Variants in UNC5D observed in about 807,000 individuals in gnomAD.
The protein encoded by UNC5D is unc-5 netrin receptor D, also known as netrin receptor UNC5D.
In UNC5D, 39 loss-of-function variants were observed where a neutral mutation model predicts 105.4. The observed-to-expected ratio is 0.37, with a 90% CI of 0.29 to 0.48. The LOEUF is 0.48. Among genes scored for constraint, UNC5D ranks in the 20% least tolerant of loss-of-function variants. The pLI is 0.98. For synonymous variants in UNC5D, 452 were observed against 450.4 expected (o/e 1.00, Z -0.04); for missense variants, 991 against 1,202.4 (o/e 0.82, Z 2.60).
intron 4 of UNC5D, among the ~76,000 whole-genome samples, chr8:35,647,658 A>ATAC (rs2083576232): frequency 6.6e-6 from 1 of 152,162 alleles, no homozygotes; most frequent in Non-Finnish European, 1.5e-5. Flanking sequence ...AGATAACACA[A>ATAC]AAATACAATC....
chr8:35,732,055 C>A (rs1299777048), intron 11 of UNC5D, among the ~76,000 whole-genome samples: 1 of 152,182 alleles, frequency 6.6e-6, no homozygotes, highest in Non-Finnish European at 1.5e-5. Flanking sequence ...AAAGCAATTT[C>A]TCTCATAAAC....
intron 1 of UNC5D, among the ~76,000 whole-genome samples, chr8:35,396,449 C>T (rs1804106957): frequency 6.6e-6 from 1 of 152,000 alleles, no homozygotes; most frequent in Admixed American, 6.6e-5. Context: ...ATGATCCCAG[C>T]TAGGGAGGCT....
Position 35,329,400 on chromosome 8 carries a change from GATATATATAT to G in UNC5D, c.103+93532_103+93541del, listed in dbSNP as rs36221011. 1.8e-3 allele frequency among the ~76,000 whole-genome samples: 260 copies of G among 146,704 alleles called. 3 individuals are homozygous for G. Among genetic ancestry groups the G allele is most frequent in the East Asian group, 9.8e-3 (49 of 4,976 alleles). On this transcript the variant is annotated intron_variant, in intron 1 of 16. Transcript: ENST00000404895. ...CCAATTTTCTGTTTTTTATTGGGTT[GATATATATAT>G]ATATATATATATATATATGGGGAAA...
intron 1 of UNC5D, among the ~76,000 whole-genome samples, chr8:35,367,976 G>A (rs1052502813): frequency 1.3e-5 from 2 of 152,064 alleles, no homozygotes; most frequent in African/African-American, 4.8e-5. Flanking sequence ...TAGCAAGCAG[G>A]TTTCTTGTAA....
chr8:35,721,335 A>C, intron 8 of UNC5D: 1 of 687,166 alleles, frequency 1.5e-6, no homozygotes, highest in South Asian at 1.6e-5. Context: ...AACCACATCC[A>C]ACGCACCTCT....
At chr8:35,435,803 C>A (rs1020952799) in intron 1 of UNC5D, among the ~76,000 whole-genome samples, 6 of 151,964 alleles carry the variant, frequency 3.9e-5, no homozygotes, top group African/African-American at 1.4e-4. Context: ...TTCAAAGTTT[C>A]CTCTAAAGGT....
intron 11 of UNC5D, among the ~76,000 whole-genome samples, chr8:35,740,980 C>T (rs1311265071): frequency 6.6e-6 from 1 of 152,068 alleles, no homozygotes; most frequent in Non-Finnish European, 1.5e-5. Context: ...AAAAAAATGC[C>T]CCAGCAGCAT....
At chr8:35,432,481 A>G (rs77686568) in intron 1 of UNC5D, among the ~76,000 whole-genome samples, 1 of 152,060 alleles carries the variant, frequency 6.6e-6, no homozygotes, top group Non-Finnish European at 1.5e-5. Flanking sequence ...CCCCACATCC[A>G]CTTCACTCTT....
chr8:35,724,151 T>A (rs1828733242), intron 9 of UNC5D: 2 of 1,447,214 alleles, frequency 1.4e-6, no homozygotes, highest in African/African-American at 2.8e-5. Flanking sequence ...GAGTGCTGAC[T>A]TGCCTACACT....
At chr8:35,305,585 C>A (rs1375727501) in intron 1 of UNC5D, among the ~76,000 whole-genome samples, 1 of 95,226 alleles carries the variant, frequency 1.1e-5, no homozygotes, top group East Asian at 4.5e-4. Flanking sequence ...CTTTTTCTTT[C>A]TTTCTTTCTT....
intron 1 of UNC5D, among the ~76,000 whole-genome samples, chr8:35,421,645 T>C (rs916332092): frequency 2.0e-5 from 3 of 151,012 alleles, no homozygotes; most frequent in Admixed American, 2.0e-4. Flanking sequence ...TGTATAGTTG[T>C]AAAATAGTTA....
At chr8:35,661,557 T>G (rs928560902) in intron 4 of UNC5D, among the ~76,000 whole-genome samples, 2 of 152,186 alleles carry the variant, frequency 1.3e-5, no homozygotes, top group African/African-American at 4.8e-5. Context: ...TGCTTTAGAC[T>G]TAATGCCGGT....
rs146366606 is a variant in UNC5D, at chr8:35,243,252, G to A, written c.103+7365G>A. ...TAAGAATATTTTTAAAATGCCAATTGAAGAGTAAGAAAACACAAATGTCAA... is the reference window on the plus strand; with the variant it reads ...TAAGAATATTTTTAAAATGCCAATTAAAGAGTAAGAAAACACAAATGTCAA... On this transcript the variant is annotated intron_variant, in intron 1 of 16. Coordinates refer to ENST00000404895, the MANE Select transcript of UNC5D (RefSeq NM_080872.4). Among the ~76,000 whole-genome samples the A allele has an allele frequency of 3.0e-3, 464 of 152,200 alleles. 2 individuals are homozygous for A. Among genetic ancestry groups the A allele is most frequent in the African/African-American group, 0.011 (449 of 41,516 alleles).
intron 1 of UNC5D, among the ~76,000 whole-genome samples, chr8:35,273,080 CA>C (rs1805530381): frequency 6.6e-6 from 1 of 152,138 alleles, no homozygotes; most frequent in South Asian, 2.1e-4. Flanking sequence ...AGTTGTCAGC[CA>C]CCAATACTCC....
At chr8:35,425,187 A>G (rs1472081582) in intron 1 of UNC5D, among the ~76,000 whole-genome samples, 1 of 152,238 alleles carries the variant, frequency 6.6e-6, no homozygotes, top group Admixed American at 6.5e-5. Context: ...AAGTATAATA[A>G]AAATAAAAAG....
intron 4 of UNC5D, among the ~76,000 whole-genome samples, chr8:35,656,944 TAAAG>T (rs1756985887): frequency 6.6e-6 from 1 of 151,480 alleles, no homozygotes; most frequent in African/African-American, 2.4e-5. Context: ...AATTTTCAGA[TAAAG>T]AAGTCTGGAA....
intron 4 of UNC5D, among the ~76,000 whole-genome samples, chr8:35,649,500 C>T (rs540563599): frequency 1.3e-5 from 2 of 152,302 alleles, no homozygotes; most frequent in African/African-American, 4.8e-5. Flanking sequence ...GAAGTCTGGA[C>T]TCTAACGATT....
In UNC5D at chr8:35,731,081, A is replaced by G. The variant is rs1426050969; in HGVS notation, c.1751A>G (p.Asn584Ser). 1 of 1,613,902 alleles carries G rather than the reference A, an allele frequency of 6.2e-7. No individual in the cohort carries two copies. ...ENSWEIYMSI[N>S]QGEPSLQSDG... ...TCTTGGGAGATTTATATGTCCATCA[A>G]CCAAGGTGAACCCAGGTGAGAGACA... The change falls in exon 11 of 17, where the codon AAC (asparagine) becomes AGC (serine). Residue 584 changes from asparagine to serine, a missense_variant. Asn to Ser is a conservative substitution (Grantham distance 46). This residue lies in a region of UNC5D where 944 missense variants were observed against 1,131.6 expected (regional missense o/e 0.83). Transcript: ENST00000404895.
At chr8:35,739,727 C>G (rs751796213) in intron 11 of UNC5D, among the ~76,000 whole-genome samples, 1 of 152,196 alleles carries the variant, frequency 6.6e-6, no homozygotes, top group Admixed American at 6.5e-5. Context: ...TGTGCCATCT[C>G]TTTTATTGCC....
Sources: gnomAD v4.1 joint callset for allele counts (sites outside exome capture counted in the v4.1 genomes callset) on GRCh38, gnomAD v4.1.1 for gene constraint, gnomAD v4.1.1 regional missense constraint, MANE v1.5 for transcripts, NCBI Gene and HGNC (gene_info 2026-07-23, HGNC 2026-07-21) for gene names.